The following ELL variants were observed in gnomAD, a reference collection of about 807,000 sequenced individuals.
ELL encodes RNA polymerase II elongation factor ELL.
A neutral mutation model predicts 64.0 loss-of-function variants in ELL; 18 were observed. The ratio of observed to expected loss-of-function variants is 0.28; its 90% CI spans 0.19 to 0.42. ELL has a LOEUF of 0.42. Among genes scored for constraint, ELL ranks in the 10% least tolerant of loss-of-function variants. The pLI is 1.00. For synonymous variants in ELL, 399 were observed against 376.2 expected (o/e 1.06, Z -0.70); for missense variants, 797 against 870.4 (o/e 0.92, Z 1.06).
intron 1 of ELL, among the ~76,000 whole-genome samples, chr19:18,488,647 T>C (rs913662685): frequency 3.3e-5 from 5 of 152,218 alleles, no homozygotes; most frequent in Admixed American, 2.6e-4. Context: ...GACCGGGCTG[T>C]GCATCTTGAG....
chr19:18,443,223 C>T lies in ELL; in HGVS notation c.*1529G>A, dbSNP rs923269689. The T allele has an allele frequency of 4.3e-6, 1 of 232,156 alleles. No individual in the cohort carries two copies. The highest frequency in any genetic ancestry group is 2.2e-5 in the African/African-American group (1 of 45,226). 14.4% of individuals were successfully genotyped at this position (232,156 alleles called of 1,614,324 possible). The stretch of plus-strand genomic sequence containing the variant: ...GCCCGGCCCGGCCCAAAGAGAAAAA[C>T]AACAACAGCTATTGAAACATGAAGG... On this transcript the variant is annotated 3_prime_UTR_variant, in exon 12 of 12. Coordinates refer to ENST00000262809, the MANE Select transcript of ELL (RefSeq NM_006532.4).
At chr19:18,493,765 C>T (rs1975584612) in intron 1 of ELL, among the ~76,000 whole-genome samples, 1 of 152,258 alleles carries the variant, frequency 6.6e-6, no homozygotes, top group Admixed American at 6.5e-5. Context: ...GGCCTACAGG[C>T]CCACCAGCAA....
chr19:18,469,148 G>A (rs1284881014), intron 2 of ELL, among the ~76,000 whole-genome samples: 1 of 152,166 alleles, frequency 6.6e-6, no homozygotes, highest in Admixed American at 6.5e-5. Flanking sequence ...GGAGAGTGTC[G>A]TGCTGCTGGC....
At chr19:18,478,629 G>C (rs1023873209) in intron 1 of ELL, among the ~76,000 whole-genome samples, 3 of 152,240 alleles carry the variant, frequency 2.0e-5, no homozygotes, top group African/African-American at 7.2e-5. Context: ...GAGCCTGGTA[G>C]GGCCGCCACA....
chr19:18,494,015 C>T (rs773988898), intron 1 of ELL, among the ~76,000 whole-genome samples: 31 of 152,214 alleles, frequency 2.0e-4, no homozygotes, highest in Non-Finnish European at 2.6e-4. Context: ...CAGGTCCACA[C>T]AGACCAGAGG....
chr19:18,446,504 T>C, intron 9 of ELL, 24 bp from the exon 10 acceptor site: 1 of 1,605,944 alleles, frequency 6.2e-7, no homozygotes, highest in South Asian at 1.1e-5. Context: ...GAGGGGCCAC[T>C]GAGTGGAGGC....
At chr19:18,497,657 T>A (rs192058307) in intron 1 of ELL, among the ~76,000 whole-genome samples, 1,626 of 151,378 alleles carry the variant, frequency 0.011, 17 homozygotes, top group Non-Finnish European at 0.018. Flanking sequence ...TCTAAAAAAA[T>A]TTTTTTTAAA....
In ELL at chr19:18,450,559, C is replaced by A; in HGVS notation, c.1383G>T (p.Ala461=). ...GCTGGGCCCGGGGCTTGTCCTCAGC[C>A]GCCCTCTCCTTGTCTTTGTGCTTCT... ...KSKKHKDKER[A]AEDKPRAQLP... Residue 461 remains alanine (A), a synonymous_variant, in exon 8 of 12, where the codon GCG becomes GCT. Coordinates refer to ENST00000262809, the MANE Select transcript of ELL (RefSeq NM_006532.4). The A allele has an allele frequency of 6.2e-7, 1 of 1,613,094 alleles. No homozygotes were observed. Among genetic ancestry groups the A allele is most frequent in the Non-Finnish European group, 8.5e-7 (1 of 1,179,906 alleles).
chr19:18,494,532 G>A (rs192569011), intron 1 of ELL, among the ~76,000 whole-genome samples: 2 of 151,894 alleles, frequency 1.3e-5, no homozygotes, highest in African/African-American at 4.8e-5. Context: ...CTGGGATTAC[G>A]GATGCCTGCC....
chr19:18,506,205 A>C (rs1975881334), intron 1 of ELL, among the ~76,000 whole-genome samples: 1 of 152,150 alleles, frequency 6.6e-6, no homozygotes, highest in East Asian at 1.9e-4. Flanking sequence ...CCAGCCCCCC[A>C]CAGTCAACAT....
intron 1 of ELL, among the ~76,000 whole-genome samples, chr19:18,484,921 C>T (rs1408017077): frequency 6.6e-6 from 1 of 152,216 alleles, no homozygotes; most frequent in Non-Finnish European, 1.5e-5. Context: ...ACAACAGTGA[C>T]CATGATCTGA....
intron 1 of ELL, among the ~76,000 whole-genome samples, chr19:18,488,231 T>C (rs776882385): frequency 6.6e-6 from 1 of 152,102 alleles, no homozygotes; most frequent in Non-Finnish European, 1.5e-5. Context: ...TACACCAAGA[T>C]CCGCCAACTG....
chr19:18,445,940 G>T (rs1232792289), intron 10 of ELL, among the ~76,000 whole-genome samples: 2 of 152,060 alleles, frequency 1.3e-5, no homozygotes, highest in African/African-American at 4.8e-5. Flanking sequence ...GAGCTCAGCT[G>T]CGGAGTCTCC....
Position 18,446,467 on chromosome 19 carries a change from T to C in ELL, c.1546A>G (p.Ile516Val). The change falls in exon 10 of 12, where the codon ATC (isoleucine) becomes GTC (valine). Residue 516 changes from isoleucine (I) to valine (V), a missense_variant. Coordinates refer to ENST00000262809, the MANE Select transcript of ELL (RefSeq NM_006532.4). ...CTCTGGCGCTGCTCCGAAGAGGAGA[T>C]GGCTGCGTACTTCCTGAAACAGGAG... ...TPDYLLKYAA[I>V]SSSEQRQSYK... 6.2e-7 allele frequency: 1 copy of C among 1,612,330 alleles called. No individual in the cohort carries two copies. The highest frequency in any genetic ancestry group is 8.5e-7 in the Non-Finnish European group (1 of 1,179,866).
At chr19:18,480,922 C>T (rs1365459012) in intron 1 of ELL, among the ~76,000 whole-genome samples, 1 of 152,200 alleles carries the variant, frequency 6.6e-6, no homozygotes, top group Non-Finnish European at 1.5e-5. Flanking sequence ...GTGTGAGCCA[C>T]CGCACCCAGC....
chr19:18,469,438 G>C (rs1451220373), intron 2 of ELL, among the ~76,000 whole-genome samples: 1 of 152,232 alleles, frequency 6.6e-6, no homozygotes, highest in Non-Finnish European at 1.5e-5. Context: ...AGCTTGCCCG[G>C]GTTCTGGGAC....
rs551338878 is a variant in ELL at position 18,482,427 on chromosome 19, C to CCTGCCT, written c.136-9551_136-9546dup. 4.8e-3 allele frequency among the ~76,000 whole-genome samples: 697 copies of CCTGCCT among 146,650 alleles called. 4 individuals are homozygous for CCTGCCT. The highest frequency in any genetic ancestry group is 0.013 in the African/African-American group (504 of 39,156). ...CCGCCTCCTGGGTTGAAGCAATTCT[C>CCTGCCT]CTGCCTCTGCCTCTGCCTCTGCCTC... On this transcript the variant is annotated intron_variant, in intron 1 of 11. Transcript: ENST00000262809.
At chr19:18,473,311 C>T in intron 1 of ELL, 1 of 443,432 alleles carries the variant, frequency 2.3e-6, no homozygotes, top group East Asian at 6.6e-5. Context: ...ATGACTCTCC[C>T]AAGGACCCAT....
At chr19:18,465,996 C>T (rs892429935) in intron 2 of ELL, 78 bp from the exon 3 acceptor site, 9 of 1,208,256 alleles carry the variant, frequency 7.4e-6, no homozygotes, top group Non-Finnish European at 8.3e-6. Context: ...CTGCATGAGT[C>T]CCCACAGTGC....
Sources: allele counts gnomAD v4.1 joint callset (sites outside exome capture counted in the v4.1 genomes callset), GRCh38; gene constraint gnomAD v4.1.1; transcripts MANE v1.5; gene names NCBI Gene and HGNC (gene_info 2026-07-23, HGNC 2026-07-21).